The following ESRRB variants were observed in gnomAD, a reference collection of about 807,000 sequenced individuals.
ESRRB encodes steroid hormone receptor ERR2.
ESRRB carries 16 observed loss-of-function variants against 46.0 expected under a neutral mutation model. The observed-to-expected ratio is 0.35, with a 90% CI of 0.24 to 0.53. The LOEUF is 0.53. ESRRB is among the 20% of genes least tolerant of loss of function. ESRRB has a pLI of 0.93. For synonymous variants in ESRRB, 246 were observed against 259.6 expected (o/e 0.95, Z 0.50); for missense variants, 488 against 607.4 (o/e 0.80, Z 2.07).
intron 1 of ESRRB, among the ~76,000 whole-genome samples, chr14:76,365,488 C>A (rs954346360): frequency 4.3e-5 from 6 of 140,240 alleles, no homozygotes. Flanking sequence ...CCAAAACAAA[C>A]AAACAAACAA....
At position 76,498,559 on chromosome 14, in the gene ESRRB, C is replaced by T. The variant is rs982907209; in HGVS notation, c.*101C>T. The stretch of plus-strand genomic sequence containing the variant: ...CAGCCTCCACCTTCAACCCCTGTAT[C>T]ATGGCTCTGAGCTGTCCCAGAGGCG... On this transcript the variant is annotated 3_prime_UTR_variant, in exon 7 of 7. Coordinates refer to ENST00000644823, the MANE Select transcript of ESRRB (RefSeq NM_001379180.1). 1 of 1,466,868 alleles carries T rather than the reference C, an allele frequency of 6.8e-7. No individual in the cohort carries two copies. The highest frequency in any genetic ancestry group is 1.9e-4 in the Middle Eastern group (1 of 5,336). The allele number at this position is 1,466,868 out of a possible 1,614,324, so 90.9% of individuals were successfully genotyped here. A position where few individuals can be genotyped will look rare whatever the true frequency, so the allele number is the denominator to read the frequency against.
chr14:76,431,970 C>G (rs1036210456), intron 1 of ESRRB, among the ~76,000 whole-genome samples: 1 of 152,188 alleles, frequency 6.6e-6, no homozygotes, highest in Non-Finnish European at 1.5e-5. Flanking sequence ...CAGGCCTAGA[C>G]GCCGTCTCCC....
intron 5 of ESRRB, among the ~76,000 whole-genome samples, chr14:76,490,509 G>A (rs1392166439): frequency 6.6e-6 from 1 of 152,162 alleles, no homozygotes. Context: ...CTCTGAAGTA[G>A]ACCCTACTAT....
At chr14:76,351,986 TAAAA>T (rs201356393) in intron 1 of ESRRB, among the ~76,000 whole-genome samples, 47 of 91,774 alleles carry the variant, frequency 5.1e-4, no homozygotes, top group African/African-American at 2.1e-3. Context: ...CCCAGTCTCT[TAAAA>T]AAAAAAAAAA....
At chr14:76,341,499 A>T (rs1431537635) in intron 1 of ESRRB, among the ~76,000 whole-genome samples, 1 of 152,158 alleles carries the variant, frequency 6.6e-6, no homozygotes, top group Admixed American at 6.5e-5. Context: ...GCGGGCTGAC[A>T]TTTCTCTTGA....
In ESRRB at chr14:76,429,786, G is replaced by A. The variant is rs113392011; in HGVS notation, c.51-9555G>A. ...TAAAAATAAAAATAAAATAAAATAG[G>A]CAGTTCAGATTACTCAGAGGGAAGG... On this transcript the variant is annotated intron_variant, in intron 1 of 6. Coordinates refer to ENST00000644823, the MANE Select transcript of ESRRB (RefSeq NM_001379180.1). 2.3e-3 allele frequency among the ~76,000 whole-genome samples: 357 copies of A among 152,056 alleles called. 2 individuals carry two copies. The highest frequency in any genetic ancestry group is 0.014 in the Middle Eastern group (4 of 294).
intron 1 of ESRRB, among the ~76,000 whole-genome samples, chr14:76,436,605 C>T (rs1298811813): frequency 3.9e-5 from 6 of 152,294 alleles, no homozygotes; most frequent in African/African-American, 1.4e-4. Flanking sequence ...CTGCCTGCCT[C>T]GTGGAAGGGT....
chr14:76,356,722 C>T (rs913736634), intron 1 of ESRRB, among the ~76,000 whole-genome samples: 1 of 152,180 alleles, frequency 6.6e-6, no homozygotes, highest in African/African-American at 2.4e-5. Context: ...GGGGGCAGGT[C>T]CCTTAGGAAA....
intron 1 of ESRRB, among the ~76,000 whole-genome samples, chr14:76,415,629 C>T (rs943852982): frequency 6.6e-6 from 1 of 152,156 alleles, no homozygotes; most frequent in Non-Finnish European, 1.5e-5. Context: ...TACTGCACTC[C>T]AGACTGGGCG....
chr14:76,468,928 C>T (rs1889241043), intron 3 of ESRRB, among the ~76,000 whole-genome samples: 1 of 152,104 alleles, frequency 6.6e-6, no homozygotes, highest in South Asian at 2.1e-4. Context: ...AAATGGGACA[C>T]ATCTTACCCT....
chr14:76,492,368 T>C (rs1034811223), intron 6 of ESRRB, among the ~76,000 whole-genome samples: 4 of 152,110 alleles, frequency 2.6e-5, no homozygotes, highest in Non-Finnish European at 5.9e-5. Flanking sequence ...GGTCTCACTA[T>C]GTTGCCCAGG....
chr14:76,471,031 C>T (rs1889357410), intron 3 of ESRRB, among the ~76,000 whole-genome samples: 1 of 152,194 alleles, frequency 6.6e-6, no homozygotes. Context: ...TATGAGACAT[C>T]ACAGATTAAA....
chr14:76,397,778 T>C (rs559667313), intron 1 of ESRRB, among the ~76,000 whole-genome samples: 1 of 152,066 alleles, frequency 6.6e-6, no homozygotes, highest in East Asian at 1.9e-4. Context: ...AGAATAATAA[T>C]TTGGGGCAAA....
intron 1 of ESRRB, among the ~76,000 whole-genome samples, chr14:76,366,234 A>G (rs890610313): frequency 6.6e-6 from 1 of 152,182 alleles, no homozygotes; most frequent in Non-Finnish European, 1.5e-5. Context: ...ACTCCTGTAA[A>G]AGATTTTCTT....
intron 5 of ESRRB, 26 bp from the exon 6 acceptor site, chr14:76,491,421 G>A (rs1247726610): frequency 3.1e-6 from 5 of 1,605,538 alleles, no homozygotes; most frequent in Non-Finnish European, 4.2e-6. Context: ...ACCTGCTGCT[G>A]CCCTCTGTGC....
At chr14:76,326,068 C>T (rs943244064) in intron 1 of ESRRB, among the ~76,000 whole-genome samples, 1 of 152,206 alleles carries the variant, frequency 6.6e-6, no homozygotes, top group Non-Finnish European at 1.5e-5. Context: ...CCGGCATCCA[C>T]CACTGACTGC....
Position 76,500,672 on chromosome 14 carries a change from C to T in ESRRB, c.*2214C>T, listed in dbSNP as rs766990172. 7.4e-5 allele frequency: 120 copies of T among 1,613,646 alleles called. No homozygotes were observed. The highest frequency in any genetic ancestry group is 1.7e-6 in the Non-Finnish European group (2 of 1,179,728). On this transcript the variant is annotated 3_prime_UTR_variant, in exon 7 of 7. Coordinates refer to ENST00000644823, the MANE Select transcript of ESRRB (RefSeq NM_001379180.1). The stretch of plus-strand genomic sequence containing the variant: ...GCGGCAGGGCATCATGCCCAGCTGG[C>T]ATCTGCTGTCTGTCTTTTCTAGGGA...
intron 6 of ESRRB, among the ~76,000 whole-genome samples, chr14:76,497,672 C>T (rs1008044235): frequency 6.6e-6 from 1 of 152,146 alleles, no homozygotes; most frequent in Admixed American, 6.5e-5. Flanking sequence ...AGCGATTGCA[C>T]TGAAGACTTG....
At position 76,482,769 on chromosome 14, in the gene ESRRB, T is replaced by C; in HGVS notation, c.850+10T>C. Reference sequence around the variant, plus strand: ...GCCAAGCACATCCCAGGTGAGCATGTGGGACCAGGGGAGAGTGTGGCCAGG... The same window carrying C: ...GCCAAGCACATCCCAGGTGAGCATGCGGGACCAGGGGAGAGTGTGGCCAGG... On this transcript the variant is annotated intron_variant, in intron 5 of 6. Coordinates refer to ENST00000644823, the MANE Select transcript of ESRRB (RefSeq NM_001379180.1). This position sits in a 1 kb window ranked among gnomAD's most constrained non-coding sequence, Gnocchi z 4.3. 6.2e-7 allele frequency: 1 copy of C among 1,613,822 alleles called. No individual in the cohort carries two copies. Among genetic ancestry groups the C allele is most frequent in the Non-Finnish European group, 8.5e-7 (1 of 1,179,968 alleles).
Sources: gnomAD v4.1 joint callset for allele counts (sites outside exome capture counted in the v4.1 genomes callset) on GRCh38, gnomAD v4.1.1 for gene constraint, Gnocchi (gnomAD v3.1) non-coding constraint, MANE v1.5 for transcripts, NCBI Gene and HGNC (gene_info 2026-07-23, HGNC 2026-07-21) for gene names.